RILPL1: variants seen among roughly 807,000 people sequenced by gnomAD.
RILPL1 encodes the protein Rab interacting lysosomal protein like 1.
Under a neutral mutation model 50.3 loss-of-function variants are expected in RILPL1, and 33 were observed. That is an observed-to-expected ratio of 0.66 (90% confidence interval 0.50 to 0.88). The LOEUF is 0.88. RILPL1 is among the 40% of genes least tolerant of loss of function. RILPL1 has a pLI of 0.00. For missense variants in RILPL1, 418 were observed against 542.5 expected, an observed-to-expected ratio of 0.77 and a Z score of 2.28; for synonymous variants, 205 against 228.6, an observed-to-expected ratio of 0.90 and a Z score of 0.93.
rs962822630 is a variant in RILPL1, at chr12:123,503,776, T to C, written c.461-4240A>G. Among the ~76,000 whole-genome samples, 4 of 150,998 alleles carry C rather than the reference T, an allele frequency of 2.6e-5. No homozygotes were observed. The East Asian group carries it at 8.0e-4, about 30-fold the overall frequency. On this transcript the variant is annotated intron_variant, in intron 2 of 6. Coordinates refer to ENST00000376874, the MANE Select transcript of RILPL1 (RefSeq NM_178314.5). Reference sequence around the variant, plus strand: ...CAGCACTTTAGGAGGCTGAGGCGGGTGGATCACGAGGTCAGGAGATCGAGA... The same window carrying C: ...CAGCACTTTAGGAGGCTGAGGCGGGCGGATCACGAGGTCAGGAGATCGAGA...
chr12:123,533,385 A>T lies in RILPL1; in HGVS notation c.98T>A (p.Leu33His). 6.4e-7 allele frequency: 1 copy of T among 1,562,660 alleles called. No homozygotes were observed. Among genetic ancestry groups the T allele is most frequent in the Non-Finnish European group, 8.7e-7 (1 of 1,155,148 alleles). The change falls in exon 1 of 7, where the codon CTT becomes CAT. Residue 33 changes from leucine to histidine, a missense_variant. Transcript: ENST00000376874. The surrounding 1 kb of genome is among the most constrained non-coding windows in gnomAD (Gnocchi z 6.2). The stretch of plus-strand genomic sequence containing the variant: ...GACCCGCTCGAACTCGTGGCCCACA[A>T]GCGACGCGATGTCGTACACGTCCAT... The part of the protein sequence containing the change: ...TVMDVYDIAS[L>H]VGHEFERVID...
At chr12:123,512,123 G>GTGTGTGTGGTGTGTGTGAGGTC (rs1884338216) in intron 2 of RILPL1, among the ~76,000 whole-genome samples, 1 of 141,686 alleles carries the variant, frequency 7.1e-6, no homozygotes, top group African/African-American at 2.6e-5. Context: ...TGAGGTTTGT[G>GTGTGTGTGGTGTGTGTGAGGTC]TGTGTGTGGT....
At chr12:123,516,543 T>C (rs1258384851) in intron 2 of RILPL1, among the ~76,000 whole-genome samples, 1 of 152,304 alleles carries the variant, frequency 6.6e-6, no homozygotes, top group East Asian at 1.9e-4. Flanking sequence ...CTTTCATAAG[T>C]CAGTTGCGTG....
intron 4 of RILPL1, among the ~76,000 whole-genome samples, chr12:123,496,301 A>G (rs1883029716): frequency 6.6e-6 from 1 of 152,176 alleles, no homozygotes; most frequent in African/African-American, 2.4e-5. Context: ...GGTGTGAGCC[A>G]CCATGCCTGG....
intron 2 of RILPL1, among the ~76,000 whole-genome samples, chr12:123,517,623 T>A (rs1415676676): frequency 6.6e-6 from 1 of 152,030 alleles, no homozygotes; most frequent in Non-Finnish European, 1.5e-5. Flanking sequence ...GGCTTTGCCA[T>A]GTTGCCCAGG....
chr12:123,506,795 A>C (rs1883778070), intron 2 of RILPL1, among the ~76,000 whole-genome samples: 1 of 152,146 alleles, frequency 6.6e-6, no homozygotes, highest in South Asian at 2.1e-4. Context: ...GTAGAAAGCT[A>C]CACAAAGCCA....
intron 2 of RILPL1, among the ~76,000 whole-genome samples, chr12:123,503,157 AT>A (rs1486480218): frequency 3.0e-4 from 34 of 114,030 alleles, no homozygotes; most frequent in East Asian, 9.9e-4. Context: ...AAGTGCTGGG[AT>A]TTACAGGCGT....
chr12:123,486,889 C>G (rs1339606730), intron 4 of RILPL1, among the ~76,000 whole-genome samples: 1 of 152,064 alleles, frequency 6.6e-6, no homozygotes, highest in Admixed American at 6.6e-5. Context: ...AACTCCACCA[C>G]CCGGGTTCAA....
intron 6 of RILPL1, among the ~76,000 whole-genome samples, chr12:123,478,669 T>C (rs1881759891): frequency 6.6e-6 from 1 of 152,110 alleles, no homozygotes; most frequent in South Asian, 2.1e-4. Context: ...AGCCAACCTT[T>C]CCAGTCCTCG....
rs114797685 is a variant in RILPL1, at chr12:123,506,546, A to C, written c.461-7010T>G. 1.7e-3 allele frequency among the ~76,000 whole-genome samples: 252 copies of C among 152,062 alleles called. 2 individuals carry two copies. Among genetic ancestry groups the C allele is most frequent in the African/African-American group, 5.9e-3 (246 of 41,500 alleles). On this transcript the variant is annotated intron_variant, in intron 2 of 6. Coordinates refer to ENST00000376874, the MANE Select transcript of RILPL1 (RefSeq NM_178314.5). ...CACATGACATGGCTGGAGGGAAAGG[A>C]CCCTGCAGTGCAGGGAATTATGGGA...
intron 2 of RILPL1, chr12:123,519,983 G>A (rs983992967): frequency 1.3e-5 from 2 of 152,322 alleles, no homozygotes; most frequent in Admixed American, 6.5e-5. Context: ...AAGCGGCTCA[G>A]AGCCCTCAGG....
At chr12:123,520,587 CA>C (rs1343423723) in intron 2 of RILPL1, among the ~76,000 whole-genome samples, 1 of 152,066 alleles carries the variant, frequency 6.6e-6, no homozygotes, top group Non-Finnish European at 1.5e-5. Context: ...AACAAACAAA[CA>C]AAAAAGTCCT....
chr12:123,499,564 G>A lies in RILPL1; in HGVS notation c.461-28C>T, dbSNP rs779030604. On this transcript the variant is annotated intron_variant, in intron 2 of 6. Transcript: ENST00000376874. ...GGGTGGGCAAGTGAGACCGGCAGGT[G>A]AGCCCGCCTTACTCCTATGTTGAAA... The A allele has an allele frequency of 4.6e-6, 7 of 1,521,564 alleles. No homozygotes were observed. In the South Asian group the frequency reaches 5.6e-5, roughly 12 times the overall value. The allele number at this position is 1,521,564 out of a possible 1,614,324, so 94.3% of individuals were successfully genotyped here.
chr12:123,491,861 G>A lies in RILPL1; in HGVS notation c.802-6056C>T. ...CTCTACTAAAAATACACAAAAATGA[G>A]CTGGGTGTGGTGGCGCACACCTGTA... On this transcript the variant is annotated intron_variant, in intron 4 of 6. Coordinates refer to ENST00000376874, the MANE Select transcript of RILPL1 (RefSeq NM_178314.5). This position sits in a 1 kb window ranked among gnomAD's most constrained non-coding sequence, Gnocchi z 4.0. Among the ~76,000 whole-genome samples, 1 of 151,906 alleles carries A rather than the reference G, an allele frequency of 6.6e-6. No homozygotes were observed. The highest frequency in any genetic ancestry group is 1.9e-4 in the East Asian group (1 of 5,192).
intron 1 of RILPL1, among the ~76,000 whole-genome samples, chr12:123,530,090 T>G (rs182875870): frequency 7.3e-4 from 111 of 152,292 alleles, no homozygotes; most frequent in Admixed American, 3.3e-3. Flanking sequence ...GTTTTTATAC[T>G]GATTACATGT....
intron 2 of RILPL1, among the ~76,000 whole-genome samples, chr12:123,514,997 C>G (rs942094970): frequency 6.6e-6 from 1 of 151,420 alleles, no homozygotes; most frequent in Non-Finnish European, 1.5e-5. Context: ...GTGGTGCAAT[C>G]AAGGCTCACT....
At chr12:123,519,600 A>G (rs1884914543) in intron 2 of RILPL1, 1 of 152,280 alleles carries the variant, frequency 6.6e-6, no homozygotes, top group Non-Finnish European at 1.5e-5. Flanking sequence ...TGCCCAGCAC[A>G]TTCTTAGCCG....
intron 4 of RILPL1, among the ~76,000 whole-genome samples, chr12:123,497,895 T>A (rs1883129214): frequency 6.6e-6 from 1 of 152,164 alleles, no homozygotes; most frequent in South Asian, 2.1e-4. Context: ...TTCTTTTGGA[T>A]ATGTGCCTAG....
At chr12:123,513,108 T>C (rs1018715106) in intron 2 of RILPL1, among the ~76,000 whole-genome samples, 1 of 144,978 alleles carries the variant, frequency 6.9e-6, no homozygotes, top group African/African-American at 2.7e-5. Flanking sequence ...GTCTGTGTGG[T>C]GGCGTCTGTG....
Sources: allele counts gnomAD v4.1 joint callset (sites outside exome capture counted in the v4.1 genomes callset), GRCh38; gene constraint gnomAD v4.1.1; non-coding constraint Gnocchi (gnomAD v3.1); transcripts MANE v1.5; gene names NCBI Gene and HGNC (gene_info 2026-07-23, HGNC 2026-07-21).